TAC4: variants seen among roughly 807,000 people sequenced by gnomAD.
The protein encoded by TAC4 is tachykinin-4.
TAC4 carries 17 observed loss-of-function variants against 17.7 expected under a neutral mutation model. The ratio of observed to expected loss-of-function variants is 0.96; its 90% CI spans 0.66 to 1.44. The LOEUF (loss-of-function observed/expected upper bound fraction) is 1.44, where lower values mean the gene tolerates loss of function less well. TAC4 is among the 40% of genes most tolerant of loss of function. The pLI is 0.00. For missense variants in TAC4, 118 were observed against 125.6 expected, an observed-to-expected ratio of 0.94 and a Z score of 0.29; for synonymous variants, 62 against 52.4, an observed-to-expected ratio of 1.18 and a Z score of -0.79.
At position 49,838,732 on chromosome 17, in the gene TAC4, C is replaced by T. The variant is rs943669635; in HGVS notation, c.293-59G>A. ...TCGGGGGTCTTGTCTGGCTCCTCCA[C>T]CCTTAGAAGTCTTCCCTAGTTGCAT... On this transcript the variant is annotated intron_variant, in intron 4 of 4. Coordinates refer to ENST00000436235, the MANE Select transcript of TAC4 (RefSeq NM_001077506.2). 5.1e-6 allele frequency: 8 copies of T among 1,570,958 alleles called. No individual in the cohort carries two copies. In the East Asian group the frequency reaches 6.8e-5, roughly 13 times the overall value.
intron 1 of TAC4, chr17:49,847,676 C>CACACACACACAG: frequency 4.1e-6 from 2 of 488,116 alleles, no homozygotes; most frequent in Non-Finnish European, 7.1e-6. Flanking sequence ...TTCTTACACA[C>CACACACACACAG]ACACACACAC....
rs1420650996 is a variant in TAC4, at chr17:49,847,954, C to T, written c.64G>A (p.Gly22Ser). 4 of 1,614,210 alleles carry T rather than the reference C, an allele frequency of 2.5e-6. No individual in the cohort carries two copies. The South Asian group carries it at 4.4e-5, about 18-fold the overall frequency. The change falls in exon 1 of 5, where the codon GGT becomes AGT. Residue 22 changes from glycine (G) to serine (S), a missense_variant. By Grantham distance (56) the Gly-to-Ser change is moderately conservative (BLOSUM62 0). Transcript: ENST00000436235. ...ELSVCTVAGD[G>S]GEEQTLSTEA... ...GTGCTGAGTGTCTGTTCCTCTCCAC[C>T]ATCACCTGCCACAGTGCACACGGAC...
intron 2 of TAC4, 125 bp from the exon 3 acceptor site, chr17:49,841,709 A>G: frequency 1.1e-6 from 1 of 899,882 alleles, no homozygotes; most frequent in Non-Finnish European, 1.6e-6. Context: ...AATTCTAGTC[A>G]TCCCCAGTTA....
intron 1 of TAC4, among the ~76,000 whole-genome samples, chr17:49,845,417 GC>G (rs2074530489): frequency 6.6e-6 from 1 of 152,158 alleles, no homozygotes; most frequent in Non-Finnish European, 1.5e-5. Flanking sequence ...AAAGGGAGTC[GC>G]TCCCTAGTTG....
intron 3 of TAC4, among the ~76,000 whole-genome samples, chr17:49,841,244 CTTTT>C (rs745671170): frequency 5.4e-5 from 6 of 110,364 alleles, no homozygotes; most frequent in East Asian, 2.8e-4. Flanking sequence ...TAGTGGTTGA[CTTTT>C]TTTTTTTTTT....
chr17:49,840,511 C>CT (rs908551139), intron 3 of TAC4, among the ~76,000 whole-genome samples: 9 of 151,144 alleles, frequency 6.0e-5, no homozygotes, highest in East Asian at 3.9e-4. Flanking sequence ...TTCTTTCTTT[C>CT]TTTTTTTTTG....
intron 1 of TAC4, chr17:49,847,063 T>C (rs2074546825): frequency 7.8e-7 from 1 of 1,290,148 alleles, no homozygotes; most frequent in Non-Finnish European, 1.0e-6. Flanking sequence ...GGACTGTCCA[T>C]GTGATGGCTC....
Position 49,843,288 on chromosome 17 carries a change from T to A in TAC4, c.199+776A>T, listed in dbSNP as rs375162564. Among the ~76,000 whole-genome samples the A allele has an allele frequency of 5.9e-5, 9 of 152,386 alleles. No homozygotes were observed. In the South Asian group the frequency reaches 1.4e-3, roughly 25 times the overall value. On this transcript the variant is annotated intron_variant, in intron 2 of 4. Transcript: ENST00000436235. ...GCTCTGTGTGCAGAGTATTTTCTCC[T>A]GGTCCCCCAAGGACAGGACTCCTGA...
intron 1 of TAC4, among the ~76,000 whole-genome samples, chr17:49,844,377 A>G (rs1368660693): frequency 6.6e-6 from 1 of 152,070 alleles, no homozygotes; most frequent in Non-Finnish European, 1.5e-5. Context: ...TCTAGTAACT[A>G]ATTTAAACCT....
chr17:49,842,597 A>G (rs773249774), intron 2 of TAC4, among the ~76,000 whole-genome samples: 5 of 152,098 alleles, frequency 3.3e-5, no homozygotes, highest in African/African-American at 7.2e-5. Context: ...ACTAAGGCCA[A>G]AAGTGCTTGG....
chr17:49,847,342 G>T (rs749694303), intron 1 of TAC4: 3 of 1,102,912 alleles, frequency 2.7e-6, no homozygotes, highest in Non-Finnish European at 3.6e-6. Flanking sequence ...AGGCAGGAGT[G>T]GGGGTAGTGC....
chr17:49,842,362 C>G (rs780906936), intron 2 of TAC4, among the ~76,000 whole-genome samples: 4 of 151,810 alleles, frequency 2.6e-5, no homozygotes, highest in Non-Finnish European at 4.4e-5. Context: ...AACCCCATCT[C>G]TACTAAAAAT....
chr17:49,845,388 G>T (rs2074530291), intron 1 of TAC4, among the ~76,000 whole-genome samples: 1 of 152,094 alleles, frequency 6.6e-6, no homozygotes, highest in Non-Finnish European at 1.5e-5. Context: ...TCTGAACTGG[G>T]GCTTGCTCAG....
Position 49,838,612 on chromosome 17 carries a change from T to G in TAC4, c.*30A>C. 3 of 1,613,646 alleles carry G rather than the reference T, an allele frequency of 1.9e-6. No individual in the cohort carries two copies. Among genetic ancestry groups the G allele is most frequent in the Non-Finnish European group, 2.5e-6 (3 of 1,179,804 alleles). On this transcript the variant is annotated 3_prime_UTR_variant, in exon 5 of 5. Coordinates refer to ENST00000436235, the MANE Select transcript of TAC4 (RefSeq NM_001077506.2). ...ATCCAGGTAGGAAGAAGCGGCACCGTGTCCTCTGGGAAGTCTGTGGTGGGG... is the reference window on the plus strand; with the variant it reads ...ATCCAGGTAGGAAGAAGCGGCACCGGGTCCTCTGGGAAGTCTGTGGTGGGG...
intron 2 of TAC4, among the ~76,000 whole-genome samples, chr17:49,842,347 A>T (rs371477246): frequency 6.6e-6 from 1 of 151,716 alleles, no homozygotes; most frequent in South Asian, 2.1e-4. Flanking sequence ...CGGCCAACAT[A>T]GTGAAACCCC....
intron 3 of TAC4, 37 bp downstream of exon 3, chr17:49,841,515 A>AG (rs2074497942): frequency 2.6e-6 from 4 of 1,553,820 alleles, no homozygotes; most frequent in African/African-American, 2.8e-5. Context: ...AGCCCTCCCT[A>AG]GGGGGCATGT....
chr17:49,844,146 G>A lies in TAC4; in HGVS notation c.117C>T (p.Gly39=), dbSNP rs749741220. The change falls in exon 2 of 5, where the codon GGC becomes GGT. Residue 39 remains glycine (G), a synonymous_variant. Coordinates refer to ENST00000436235, the MANE Select transcript of TAC4 (RefSeq NM_001077506.2). ...CCTGCAGCTGGAGCTGAATGCTGGG[G>A]CCAGCGCCTTCCTGAAGAAGCAGAG... is the stretch of plus-strand genomic sequence containing the variant. The part of the protein sequence containing the change: ...STEAETWEGA[G]PSIQLQLQEV... The A allele has an allele frequency of 1.2e-6, 2 of 1,613,812 alleles. No individual in the cohort carries two copies. The highest frequency in any genetic ancestry group is 1.7e-6 in the Non-Finnish European group (2 of 1,179,714).
intron 2 of TAC4, 119 bp from the exon 3 acceptor site, chr17:49,841,703 C>A (rs937218851): frequency 3.0e-6 from 3 of 1,007,822 alleles, no homozygotes; most frequent in African/African-American, 3.4e-5. Context: ...CAGTAGAATT[C>A]TAGTCATCCC....
Position 49,838,803 on chromosome 17 carries a change from C to G in TAC4, c.293-130G>C, listed in dbSNP as rs562783581. 6.9e-5 allele frequency: 59 copies of G among 851,104 alleles called. 1 individual carries two copies. The South Asian group carries it at 9.4e-4, about 14-fold the overall frequency. 52.7% of individuals were successfully genotyped at this position (851,104 alleles called of 1,614,324 possible). A position where few individuals can be genotyped will look rare whatever the true frequency, so the allele number is the denominator to read the frequency against. On this transcript the variant is annotated intron_variant, in intron 4 of 4. Coordinates refer to ENST00000436235, the MANE Select transcript of TAC4 (RefSeq NM_001077506.2). ...ACCCCTCTCTCCTTTCTGGAGATAT[C>G]TAGGGCAATGGGATTACAGGCTCAT...
Sources: gnomAD v4.1 joint callset for allele counts (sites outside exome capture counted in the v4.1 genomes callset) on GRCh38, gnomAD v4.1.1 for gene constraint, MANE v1.5 for transcripts, NCBI Gene and HGNC (gene_info 2026-07-23, HGNC 2026-07-21) for gene names.